The following CLNK variants were observed in gnomAD, a reference collection of about 807,000 sequenced individuals.
CLNK encodes cytokine-dependent hematopoietic cell linker.
A neutral mutation model predicts 68.6 loss-of-function variants in CLNK; 74 were observed. The observed-to-expected ratio is 1.08, with a 90% CI of 0.89 to 1.31. The LOEUF is 1.31. CLNK is among the 50% of genes most tolerant of loss of function. CLNK has a pLI of 0.00. For missense variants in CLNK, 553 were observed against 515.3 expected, an observed-to-expected ratio of 1.07 and a Z score of -0.71; for synonymous variants, 198 against 172.2, an observed-to-expected ratio of 1.15 and a Z score of -1.17.
At chr4:10,667,270 AAT>A (rs1724435053) in intron 2 of CLNK, among the ~76,000 whole-genome samples, 1 of 152,178 alleles carries the variant, frequency 6.6e-6, no homozygotes. Context: ...AAAGCAAATA[AAT>A]AGATAAGGAG....
chr4:10,705,123 C>T, the CLNK span, among the ~76,000 whole-genome samples: 1 of 152,146 alleles, frequency 6.6e-6, no homozygotes, highest in Non-Finnish European at 1.5e-5. Context: ...GGGCTCATTA[C>T]CAACATTTGC....
intron 1 of CLNK, among the ~76,000 whole-genome samples, chr4:10,678,319 A>G (rs1198713534): frequency 6.6e-6 from 1 of 152,156 alleles, no homozygotes; most frequent in African/African-American, 2.4e-5. Context: ...ATGAAAGTGA[A>G]AGCACTCTGT....
At chr4:10,550,633 T>C (rs1577123185) in intron 8 of CLNK, among the ~76,000 whole-genome samples, 1 of 152,230 alleles carries the variant, frequency 6.6e-6, no homozygotes, top group African/African-American at 2.4e-5. Flanking sequence ...ATATATCCTA[T>C]GCTTTTCCTA....
intron 2 of CLNK, among the ~76,000 whole-genome samples, chr4:10,666,832 G>A (rs1392184934): frequency 1.3e-5 from 2 of 152,180 alleles, no homozygotes; most frequent in Non-Finnish European, 2.9e-5. Context: ...CCATGGGCTT[G>A]GCTGTGAGTC....
chr4:10,560,576 T>C (rs1719847325), intron 7 of CLNK, among the ~76,000 whole-genome samples: 1 of 152,032 alleles, frequency 6.6e-6, no homozygotes, highest in Non-Finnish European at 1.5e-5. Flanking sequence ...CCCAAGTAGC[T>C]GGGACTACAG....
At chr4:10,680,520 T>C (rs969967874) in intron 1 of CLNK, among the ~76,000 whole-genome samples, 2 of 151,860 alleles carry the variant, frequency 1.3e-5, no homozygotes, top group African/African-American at 4.8e-5. Flanking sequence ...AGTATAATAA[T>C]AATTAAAAAA....
At chr4:10,498,117 C>A (rs1018976261) in intron 18 of CLNK, among the ~76,000 whole-genome samples, 1 of 152,000 alleles carries the variant, frequency 6.6e-6, no homozygotes, top group African/African-American at 2.4e-5. Context: ...ATCGCTTGAA[C>A]CCGGGAGGCA....
intron 3 of CLNK, among the ~76,000 whole-genome samples, chr4:10,594,046 C>T (rs988052084): frequency 1.3e-5 from 2 of 152,192 alleles, no homozygotes; most frequent in African/African-American, 4.8e-5. Context: ...GCGTCTGTGT[C>T]TGCCATGGTG....
chr4:10,694,751 A>G, the CLNK span, among the ~76,000 whole-genome samples: 1 of 152,170 alleles, frequency 6.6e-6, no homozygotes, highest in Non-Finnish European at 1.5e-5. Flanking sequence ...ATATACTACC[A>G]ACATTTCTCA....
At chr4:10,667,803 T>C in intron 2 of CLNK, 56 bp downstream of exon 2, 2 of 1,525,208 alleles carry the variant, frequency 1.3e-6, no homozygotes, top group Non-Finnish European at 1.8e-6. Context: ...AGAAAACACC[T>C]CCTGTCCCCA....
At chr4:10,659,391 A>T (rs1211265865) in intron 2 of CLNK, among the ~76,000 whole-genome samples, 1 of 152,210 alleles carries the variant, frequency 6.6e-6, no homozygotes, top group Non-Finnish European at 1.5e-5. Flanking sequence ...TACTATAACG[A>T]TTTCATTTAA....
At chr4:10,542,069 A>G (rs1719053976) in intron 9 of CLNK, 28 bp from the exon 10 acceptor site, 2 of 1,579,916 alleles carry the variant, frequency 1.3e-6, no homozygotes, top group Non-Finnish European at 1.7e-6. Context: ...AACCTAAATT[A>G]AGTTTATTGT....
At chr4:10,704,213 A>G in the CLNK span, among the ~76,000 whole-genome samples, 1 of 152,156 alleles carries the variant, frequency 6.6e-6, no homozygotes, top group African/African-American at 2.4e-5. Context: ...AGAGACCCTA[A>G]GTCGTTGCAA....
rs753754503 is a variant in CLNK, at chr4:10,513,607, T to C, written c.773-10A>G. The stretch of plus-strand genomic sequence containing the variant: ...ATGCCTCCTCTATGATCTGGAAAGG[T>C]TAAATTCACATTTCAGTGTGATTTT... On this transcript the variant is annotated splice_polypyrimidine_tract_variant and intron_variant, in intron 15 of 18. Transcript: ENST00000226951. The C allele has an allele frequency of 1.3e-6, 2 of 1,587,390 alleles. No homozygotes were observed. Among genetic ancestry groups the C allele is most frequent in the South Asian group, 1.2e-5 (1 of 86,704 alleles).
At chr4:10,628,872 G>A (rs537863134) in intron 2 of CLNK, among the ~76,000 whole-genome samples, 1 of 152,304 alleles carries the variant, frequency 6.6e-6, no homozygotes, top group African/African-American at 2.4e-5. Flanking sequence ...CTTTGTCTGA[G>A]TTTTCATGAG....
At chr4:10,647,855 C>T (rs546125446) in intron 2 of CLNK, among the ~76,000 whole-genome samples, 1 of 152,278 alleles carries the variant, frequency 6.6e-6, no homozygotes, top group South Asian at 2.1e-4. Flanking sequence ...ATATTATGCC[C>T]TAAGTCCCAT....
At chr4:10,527,508 C>A (rs1406750419) in intron 13 of CLNK, among the ~76,000 whole-genome samples, 1 of 152,198 alleles carries the variant, frequency 6.6e-6, no homozygotes, top group Non-Finnish European at 1.5e-5. Context: ...GGCTGTGATG[C>A]AGGCCCTTTG....
chr4:10,632,350 G>A (rs1722924128), intron 2 of CLNK, among the ~76,000 whole-genome samples: 1 of 152,296 alleles, frequency 6.6e-6, no homozygotes, highest in Non-Finnish European at 1.5e-5. Context: ...CCCACAAAAT[G>A]TGAAGACAAT....
At chr4:10,699,487 T>C in the CLNK span, among the ~76,000 whole-genome samples, 1 of 72,132 alleles carries the variant, frequency 1.4e-5, no homozygotes, top group African/African-American at 6.7e-5. Flanking sequence ...TCTCTCTCTC[T>C]CTCTCTCTAT....
Sources: allele counts gnomAD v4.1 joint callset (sites outside exome capture counted in the v4.1 genomes callset), GRCh38; gene constraint gnomAD v4.1.1; transcripts MANE v1.5; gene names NCBI Gene and HGNC (gene_info 2026-07-23, HGNC 2026-07-21).